MCOLN2: variants seen among roughly 807,000 people sequenced by gnomAD.
MCOLN2 encodes the protein mucolipin-2.
A neutral mutation model predicts 67.5 loss-of-function variants in MCOLN2; 57 were observed. That is an observed-to-expected ratio of 0.84 (90% CI 0.68 to 1.05). The LOEUF is 1.05. Ranked by LOEUF, MCOLN2 falls within the 50% of genes least tolerant of loss-of-function variation. The probability of loss-of-function intolerance (pLI) is 0.00; values close to 1 mark genes in which losing one functional copy is unlikely to be tolerated. For missense variants in MCOLN2, 620 were observed against 678.8 expected, an observed-to-expected ratio of 0.91 and a Z score of 0.96; for synonymous variants, 246 against 233.3, an observed-to-expected ratio of 1.05 and a Z score of -0.50.
rs139794587 is a variant in MCOLN2, at chr1:84,944,389, C to T, written c.847+2644G>A. On this transcript the variant is annotated intron_variant, in intron 7 of 13. Coordinates refer to ENST00000370608, the MANE Select transcript of MCOLN2 (RefSeq NM_153259.4). ...CTCTACTAAAAATACAAAAAATAGT[C>T]GGGCGTGGTGGGGTGTGCTTGTAGT... 3.0e-3 allele frequency among the ~76,000 whole-genome samples: 461 copies of T among 152,082 alleles called. 3 individuals are homozygous for T. Among genetic ancestry groups the T allele is most frequent in the Admixed American group, 0.01 (158 of 15,270 alleles).
rs746543056 is a variant in MCOLN2, at chr1:84,952,426, A to T, written c.650+20T>A. 10 of 1,591,952 alleles carry T rather than the reference A, an allele frequency of 6.3e-6. No individual in the cohort carries two copies. The highest frequency in any genetic ancestry group is 3.4e-6 in the Non-Finnish European group (4 of 1,159,992). ...TCCCACCCTCATCTCTTAGGGAATAACACTTTAAAATGTATTTACCGATAA... is the reference window on the plus strand; with the variant it reads ...TCCCACCCTCATCTCTTAGGGAATATCACTTTAAAATGTATTTACCGATAA... On this transcript the variant is annotated intron_variant, in intron 5 of 13. Transcript: ENST00000370608.
At chr1:84,982,579 G>C (rs536980165) in intron 1 of MCOLN2, among the ~76,000 whole-genome samples, 29 of 152,180 alleles carry the variant, frequency 1.9e-4, no homozygotes, top group African/African-American at 7.0e-4. Context: ...CAACTGTTGG[G>C]AACAAGTTAT....
At chr1:84,947,652 G>A (rs1425973799) in intron 6 of MCOLN2, among the ~76,000 whole-genome samples, 1 of 152,232 alleles carries the variant, frequency 6.6e-6, no homozygotes, top group East Asian at 1.9e-4. Context: ...AGAGGTGCCG[G>A]GAGTTCATAC....
rs1445242247 is a variant in MCOLN2, at chr1:84,947,117, T to C, written c.763A>G (p.Lys255Glu). 6.4e-7 allele frequency: 1 copy of C among 1,571,410 alleles called. No individual in the cohort carries two copies. The highest frequency in any genetic ancestry group is 1.1e-5 in the South Asian group (1 of 90,078). The part of the protein sequence containing the change: ...VFQNTIIFDN[K>E]AHSGKIKIYF... ...ATTTTGATTTTGCCACTGTGAGCTT[T>C]ATTGTCAAAGATAATCTGGAGACAC... Residue 255 changes from lysine to glutamate, a missense_variant, in exon 7 of 14, where the codon AAA becomes GAA. Transcript: ENST00000370608.
At position 84,996,810 on chromosome 1, in the gene MCOLN2, G is replaced by A. The variant is rs766858923; in HGVS notation, c.63C>T (p.Phe21=). Residue 21 remains phenylalanine, a synonymous_variant, in exon 1 of 14, where the codon TTC becomes TTT. Transcript: ENST00000370608. ...AGACTCCTCACCTGACGGTTAACCT[G>A]AAAACACCTGATCCTCTCTCCGGAA... ...ARIPERGSGV[F]RLTVRNAMAH... 1.0e-4 allele frequency: 163 copies of A among 1,613,934 alleles called. No homozygotes were observed. The highest frequency in any genetic ancestry group is 1.6e-4 in the Middle Eastern group (1 of 6,084).
At chr1:84,945,046 C>G (rs954238137) in intron 7 of MCOLN2, among the ~76,000 whole-genome samples, 2 of 150,912 alleles carry the variant, frequency 1.3e-5, no homozygotes, top group African/African-American at 5.0e-5. Context: ...TCTTAAGACA[C>G]AGCTCTAGGA....
intron 13 of MCOLN2, among the ~76,000 whole-genome samples, 185 bp from the exon 14 acceptor site, chr1:84,926,906 G>GTAAA (rs1661186808): frequency 6.6e-6 from 1 of 152,080 alleles, no homozygotes. Flanking sequence ...GAAAAAATAA[G>GTAAA]TAAATAAATA....
chr1:84,989,763 C>T (rs1172690228), intron 1 of MCOLN2, among the ~76,000 whole-genome samples: 1 of 151,900 alleles, frequency 6.6e-6, no homozygotes, highest in African/African-American at 2.4e-5. Context: ...TTTACACAGG[C>T]AAAAGTTAAC....
At chr1:84,955,767 G>A (rs1478665675) in intron 4 of MCOLN2, among the ~76,000 whole-genome samples, 2 of 152,092 alleles carry the variant, frequency 1.3e-5, no homozygotes, top group Non-Finnish European at 2.9e-5. Flanking sequence ...CAAGTACGGG[G>A]CTTGAATAAC....
chr1:84,958,379 G>T, intron 3 of MCOLN2, 150 bp downstream of exon 3: 1 of 555,446 alleles, frequency 1.8e-6, no homozygotes, highest in Non-Finnish European at 3.0e-6. Context: ...TAGAAATGTA[G>T]CTTCAGAAAT....
chr1:84,991,272 C>T (rs532339850), intron 1 of MCOLN2, among the ~76,000 whole-genome samples: 1 of 152,206 alleles, frequency 6.6e-6, no homozygotes, highest in African/African-American at 2.4e-5. Flanking sequence ...TTCAATGTTT[C>T]TACAGTAATG....
At chr1:84,964,529 G>C (rs953968635) in intron 2 of MCOLN2, among the ~76,000 whole-genome samples, 8 of 150,464 alleles carry the variant, frequency 5.3e-5, no homozygotes, top group Non-Finnish European at 1.5e-5. Context: ...GCAGGAGTGG[G>C]GGGGGGTGGG....
chr1:84,939,843 G>A, intron 8 of MCOLN2, 141 bp from the exon 9 acceptor site: 1 of 761,210 alleles, frequency 1.3e-6, no homozygotes, highest in Non-Finnish European at 2.2e-6. Context: ...CGAAAGTGGA[G>A]GTTACGGCAC....
chr1:84,941,051 C>A, intron 7 of MCOLN2, 60 bp from the exon 8 acceptor site: 1 of 1,087,284 alleles, frequency 9.2e-7, no homozygotes, highest in Admixed American at 2.1e-5. Flanking sequence ...AATTTCCAAA[C>A]AAAATGGCAG....
At chr1:84,983,678 T>C (rs1650368529) in intron 1 of MCOLN2, among the ~76,000 whole-genome samples, 1 of 102,978 alleles carries the variant, frequency 9.7e-6, no homozygotes, top group African/African-American at 3.4e-5. Flanking sequence ...TAAAATTTCT[T>C]TTTTTTTTTT....
intron 1 of MCOLN2, among the ~76,000 whole-genome samples, chr1:84,977,656 T>C (rs113261352): frequency 0.04 from 6,110 of 152,186 alleles, 389 homozygotes; most frequent in African/African-American, 0.13. Context: ...GTTCACTATA[T>C]AATGATAAAG....
chr1:84,995,799 AT>A (rs142983024), intron 1 of MCOLN2, among the ~76,000 whole-genome samples: 1 of 146,186 alleles, frequency 6.8e-6, no homozygotes, highest in Non-Finnish European at 1.5e-5. Context: ...CTATTACTCT[AT>A]TTTTTTAAAA....
chr1:84,996,895 A>C lies in MCOLN2; in HGVS notation c.-23T>G, dbSNP rs1571065021. ...CATGCCTCCTCCTTCAAAACTTTCC[A>C]GGGCTCTCGGGATTCGGAACAGGAA... On this transcript the variant is annotated 5_prime_UTR_variant, in exon 1 of 14. Transcript: ENST00000370608. 6.2e-7 allele frequency: 1 copy of C among 1,609,492 alleles called. No individual in the cohort carries two copies. Among genetic ancestry groups the C allele is most frequent in the Non-Finnish European group, 8.5e-7 (1 of 1,176,000 alleles).
intron 4 of MCOLN2, among the ~76,000 whole-genome samples, chr1:84,955,724 T>C (rs1231891648): frequency 6.6e-6 from 1 of 151,990 alleles, no homozygotes; most frequent in African/African-American, 2.4e-5. Flanking sequence ...TGGATGACAG[T>C]GGTGGCAGTG....
Sources: allele counts gnomAD v4.1 joint callset (sites outside exome capture counted in the v4.1 genomes callset), GRCh38; gene constraint gnomAD v4.1.1; transcripts MANE v1.5; gene names NCBI Gene and HGNC (gene_info 2026-07-23, HGNC 2026-07-21).